S100A16: variants seen among roughly 807,000 people sequenced by gnomAD.
S100A16 encodes protein S100-A16.
A neutral mutation model predicts 9.0 loss-of-function variants in S100A16; 8 were observed. The observed-to-expected ratio is 0.89, with a 90% CI of 0.52 to 1.60. The LOEUF is 1.60. Ranked by LOEUF, S100A16 falls within the 40% of genes most tolerant of loss-of-function variation. The pLI is 0.00. For synonymous variants in S100A16, 51 were observed against 51.4 expected (o/e 0.99, Z 0.04); for missense variants, 138 against 132.4 (o/e 1.04, Z -0.21).
In S100A16 at chr1:153,608,120, G is replaced by A. The variant is rs1156572010; in HGVS notation, c.32C>T (p.Ala11Val). The A allele has an allele frequency of 1.2e-6, 2 of 1,613,956 alleles. No individual in the cohort carries two copies. Among genetic ancestry groups the A allele is most frequent in the Admixed American group, 3.3e-5 (2 of 60,004 alleles). The part of the protein sequence containing the change: MSDCYTELEK[A>V]VIVLVENFYK... ...GAAGTTTTCCACCAGGACAATGACT[G>A]CCTTCTCCAGCTCCGTGTAGCAGTC... is the stretch of plus-strand genomic sequence containing the variant. The change falls in exon 2 of 3, where the codon GCA becomes GTA. Residue 11 changes from alanine to valine, a missense_variant. By Grantham distance (64) the Ala-to-Val change is moderately conservative (BLOSUM62 0). Coordinates refer to ENST00000368706, the MANE Select transcript of S100A16 (RefSeq NM_080388.3).
chr1:153,607,537 G>GCTGCTGCT lies in S100A16; in HGVS notation c.301_308dup (p.Ser103ArgfsTer17), dbSNP rs1666721386. On this transcript the variant is annotated frameshift_variant, in exon 3 of 3. Transcript: ENST00000368706. LOFTEE classifies it high-confidence loss of function. ...GAAGGTGTGGCCAAAGGGGTCTCTAGCTGCTGCTCTGCTGCTCCTGCTCAT... is the reference window on the plus strand; with the variant it reads ...GAAGGTGTGGCCAAAGGGGTCTCTAGCTGCTGCTCTGCTGCTCTGCTGCTCCTGCTCAT... The GCTGCTGCT allele has an allele frequency of 3.1e-6, 5 of 1,614,156 alleles. No individual in the cohort carries two copies. The highest frequency in any genetic ancestry group is 2.2e-5 in the East Asian group (1 of 44,886).
rs940004261 is a variant in S100A16 at position 153,607,354 on chromosome 1, G to A, written c.*180C>T. On this transcript the variant is annotated 3_prime_UTR_variant, in exon 3 of 3. Coordinates refer to ENST00000368706, the MANE Select transcript of S100A16 (RefSeq NM_080388.3). The stretch of plus-strand genomic sequence containing the variant: ...CAGGAGCTGAGACCCCCCAGGGAGG[G>A]AGGTACCTCTAGACTGAGACACTCA... 6 of 721,818 alleles carry A rather than the reference G, an allele frequency of 8.3e-6. No individual in the cohort carries two copies. The African/African-American group carries it at 8.9e-5, about 11-fold the overall frequency. 44.7% of individuals were successfully genotyped at this position (721,818 alleles called of 1,614,324 possible).
chr1:153,610,483 G>A (rs1327486132), intron 1 of S100A16, among the ~76,000 whole-genome samples: 1 of 152,106 alleles, frequency 6.6e-6, no homozygotes, highest in Non-Finnish European at 1.5e-5. Context: ...TCAATACCAT[G>A]ACTCAACCCC....
intron 1 of S100A16, among the ~76,000 whole-genome samples, chr1:153,610,183 A>G (rs1272255564): frequency 2.0e-5 from 3 of 152,188 alleles, no homozygotes; most frequent in Admixed American, 6.5e-5. Flanking sequence ...GTTCATGACC[A>G]GTGTTCCAGG....
intron 1 of S100A16, among the ~76,000 whole-genome samples, chr1:153,609,565 AGC>A (rs1251687567): frequency 6.6e-6 from 1 of 152,190 alleles, no homozygotes; most frequent in Non-Finnish European, 1.5e-5. Context: ...CCTTGAGACA[AGC>A]ATAGTTTTTC....
chr1:153,611,812 G>T (rs1666839264), intron 1 of S100A16, among the ~76,000 whole-genome samples: 1 of 151,608 alleles, frequency 6.6e-6, no homozygotes, highest in Non-Finnish European at 1.5e-5. Context: ...ATTCCACAAG[G>T]CCCTCTCCAG....
intron 1 of S100A16, chr1:153,609,422 C>A (rs1666785983): frequency 3.2e-6 from 3 of 935,552 alleles, no homozygotes; most frequent in Non-Finnish European, 1.3e-6. Context: ...CCGAAGGAAG[C>A]CTGCCTTGAC....
At chr1:153,612,788 A>C (rs1007720906) in intron 1 of S100A16, among the ~76,000 whole-genome samples, 164 bp downstream of exon 1, 2 of 152,040 alleles carry the variant, frequency 1.3e-5, no homozygotes, top group African/African-American at 4.8e-5. Context: ...CCCCATTCCT[A>C]AACTGGCCTG....
chr1:153,609,114 AC>A, intron 1 of S100A16: 3 of 985,602 alleles, frequency 3.0e-6, no homozygotes, highest in Non-Finnish European at 3.6e-6. Context: ...CCCCACATCA[AC>A]CCCAGGCAAA....
At chr1:153,608,395 G>A (rs1299694721) in intron 1 of S100A16, 12 of 516,620 alleles carry the variant, frequency 2.3e-5, no homozygotes, top group South Asian at 4.9e-5. Flanking sequence ...CAGCTCAACC[G>A]CCTCAACAGG....
At chr1:153,608,449 T>G (rs1006797183) in intron 1 of S100A16, 1 of 396,548 alleles carries the variant, frequency 2.5e-6, no homozygotes, top group East Asian at 4.9e-5. Flanking sequence ...GTTCCAGCCC[T>G]AGGGAGCAAG....
chr1:153,611,059 C>T (rs1380846410), intron 1 of S100A16, among the ~76,000 whole-genome samples: 1 of 151,944 alleles, frequency 6.6e-6, no homozygotes, highest in Non-Finnish European at 1.5e-5. Context: ...CCTCTCACCT[C>T]AGGCCTCCAG....
At position 153,607,988 on chromosome 1, in the gene S100A16, AG is replaced by A. The variant is rs781014420; in HGVS notation, c.153+10del. On this transcript the variant is annotated intron_variant, in intron 2 of 2. Transcript: ENST00000368706. ...GAGAGGGAGGCAAGGCCCTTGGGTG[AG>A]AGGCCTTACCGACAGCATGTGGTTC... The A allele has an allele frequency of 6.2e-7, 1 of 1,613,408 alleles. No individual in the cohort carries two copies. The highest frequency in any genetic ancestry group is 8.5e-7 in the Non-Finnish European group (1 of 1,179,694).
At chr1:153,608,361 G>T (rs926944599) in intron 1 of S100A16, 184 bp from the exon 2 acceptor site, 2 of 584,896 alleles carry the variant, frequency 3.4e-6, no homozygotes, top group Admixed American at 3.0e-5. Flanking sequence ...AGAACTATGC[G>T]GCTCCTCTAA....
At chr1:153,612,170 C>A (rs1666851245) in intron 1 of S100A16, among the ~76,000 whole-genome samples, 1 of 151,868 alleles carries the variant, frequency 6.6e-6, no homozygotes, top group African/African-American at 2.4e-5. Flanking sequence ...AAGGCAGAGC[C>A]AGCTCCCCAG....
At position 153,607,562 on chromosome 1, in the gene S100A16, TG is replaced by T; in HGVS notation, c.283del (p.His95MetfsTer22). The T allele has an allele frequency of 6.2e-7, 1 of 1,614,222 alleles. No homozygotes were observed. The highest frequency in any genetic ancestry group is 8.5e-7 in the Non-Finnish European group (1 of 1,180,014). On this transcript the variant is annotated frameshift_variant, in exon 3 of 3. Coordinates refer to ENST00000368706, the MANE Select transcript of S100A16 (RefSeq NM_080388.3). LOFTEE classifies it high-confidence loss of function. ...GCTGCTGCTCTGCTGCTCCTGCTCATGGATGAGTTTGGCGATGGGGCCGGTG... is the reference window on the plus strand; with the variant it reads ...GCTGCTGCTCTGCTGCTCCTGCTCATGATGAGTTTGGCGATGGGGCCGGTG... Reference protein sequence around the residue: ...GITGPIAKLIHEQEQQSSS With the variant: ...GITGPIAKLIXEQEQQSSS
chr1:153,608,127 C>A lies in S100A16; in HGVS notation c.25G>T (p.Glu9Ter). The change falls in exon 2 of 3, where the codon GAG (glutamate) becomes TAG (stop). Residue 9 changes from glutamate (E) to a stop codon, truncating the protein, a stop_gained. Transcript: ENST00000368706. LOFTEE classifies it high-confidence loss of function. MSDCYTELEKAVIVLVENF... is the reference protein window; with the variant it reads MSDCYTEL ...TCCACCAGGACAATGACTGCCTTCT[C>A]CAGCTCCGTGTAGCAGTCTGACATC... 1 of 1,613,998 alleles carries A rather than the reference C, an allele frequency of 6.2e-7. No individual in the cohort carries two copies. Among genetic ancestry groups the A allele is most frequent in the Non-Finnish European group, 8.5e-7 (1 of 1,179,954 alleles).
rs565759064 is a variant in S100A16, at chr1:153,611,017, G to A, written c.-27+1935C>T. 1.0e-3 allele frequency among the ~76,000 whole-genome samples: 159 copies of A among 152,204 alleles called. 1 individual carries two copies. Among genetic ancestry groups the A allele is most frequent in the Admixed American group, 1.9e-3 (29 of 15,292 alleles). On this transcript the variant is annotated intron_variant, in intron 1 of 2. Transcript: ENST00000368706. ...TACACAGGAGCCTTCCAGAAATGTG[G>A]GAATGGGAGGACCACGTGTCCTCCA...
rs1340209762 is a variant in S100A16 at position 153,609,316 on chromosome 1, C to T, written c.-26-1139G>A. ...AGCCTCCTGTCCTGCCACCTGCTTT[C>T]CGTTGGCCACTTGTGGCCATTCCTA... is the stretch of plus-strand genomic sequence containing the variant. On this transcript the variant is annotated intron_variant, in intron 1 of 2. Coordinates refer to ENST00000368706, the MANE Select transcript of S100A16 (RefSeq NM_080388.3). The T allele has an allele frequency of 1.4e-5, 14 of 985,926 alleles. No homozygotes were observed. In the South Asian group the frequency reaches 3.3e-4, roughly 23 times the overall value. The allele number at this position is 985,926 out of a possible 1,614,324, so 61.1% of individuals were successfully genotyped here.
Sources: allele counts gnomAD v4.1 joint callset (sites outside exome capture counted in the v4.1 genomes callset), GRCh38; gene constraint gnomAD v4.1.1; transcripts MANE v1.5; gene names NCBI Gene and HGNC (gene_info 2026-07-23, HGNC 2026-07-21).